The following TNS4 variants were observed in gnomAD, a reference collection of about 807,000 sequenced individuals.
TNS4 encodes tensin-4.
A neutral mutation model predicts 70.4 loss-of-function variants in TNS4; 46 were observed. That is an observed-to-expected ratio of 0.65 (90% CI 0.52 to 0.84). The LOEUF is 0.84. Among genes scored for constraint, TNS4 ranks in the 40% least tolerant of loss-of-function variants. The pLI is 0.00. For synonymous variants in TNS4, 390 were observed against 366.6 expected (o/e 1.06, Z -0.73); for missense variants, 863 against 907.0 (o/e 0.95, Z 0.62).
At chr17:40,491,001 C>T (rs2036060415) in intron 2 of TNS4, among the ~76,000 whole-genome samples, 1 of 152,142 alleles carries the variant, frequency 6.6e-6, no homozygotes, top group Admixed American at 6.5e-5. Context: ...GGGGATCTCT[C>T]TGCTTAGAAA....
intron 9 of TNS4, chr17:40,480,132 T>C: frequency 2.5e-6 from 1 of 398,406 alleles, no homozygotes; most frequent in East Asian, 4.3e-5. Context: ...CATCCTTCTG[T>C]CCACACTTAA....
At chr17:40,486,148 T>C (rs1183066669) in intron 4 of TNS4, among the ~76,000 whole-genome samples, 1 of 152,232 alleles carries the variant, frequency 6.6e-6, no homozygotes, top group Admixed American at 6.5e-5. Flanking sequence ...CTTCTGGGTT[T>C]ACTGCTTGGG....
chr17:40,481,391 C>T (rs890231138), intron 8 of TNS4, among the ~76,000 whole-genome samples: 1 of 152,060 alleles, frequency 6.6e-6, no homozygotes, highest in Admixed American at 6.5e-5. Flanking sequence ...AAGTCTTGCT[C>T]TGTCGCTCTG....
intron 12 of TNS4, 179 bp from the exon 13 acceptor site, chr17:40,477,908 C>T: frequency 1.6e-6 from 1 of 627,998 alleles, no homozygotes; most frequent in Non-Finnish European, 2.8e-6. Flanking sequence ...CCTCTCCCGT[C>T]AGACTGGGAG....
rs771835214 is a variant in TNS4, at chr17:40,477,543, G to A, written c.*45C>T. 1.9e-6 allele frequency: 3 copies of A among 1,606,396 alleles called. No homozygotes were observed. The highest frequency in any genetic ancestry group is 1.7e-4 in the Middle Eastern group (1 of 6,026). The stretch of plus-strand genomic sequence containing the variant: ...TCAGGGGGTGGAGGGGGGCTCCTTA[G>A]CGAGCCCCTGGAGGTGTTGGTTAGG... On this transcript the variant is annotated 3_prime_UTR_variant, in exon 13 of 13. Coordinates refer to ENST00000254051, the MANE Select transcript of TNS4 (RefSeq NM_032865.6).
Position 40,487,388 on chromosome 17 carries a change from G to T in TNS4, c.936C>A (p.Asn312Lys), listed in dbSNP as rs770366854. The T allele has an allele frequency of 3.1e-6, 5 of 1,614,190 alleles. No homozygotes were observed. In the South Asian group the frequency reaches 5.5e-5, roughly 18 times the overall value. ...SSSRSLESPANSSSSLHSLGS... is the reference protein window; with the variant it reads ...SSSRSLESPAKSSSSLHSLGS... ...CAAGGCTGTGGAGGCTGGAGGAAGA[G>T]TTGGCTGGACTTTCCAAGGATCTGG... is the stretch of plus-strand genomic sequence containing the variant. Residue 312 changes from asparagine (N) to lysine (K), a missense_variant, in exon 4 of 13, where the codon AAC becomes AAA. Coordinates refer to ENST00000254051, the MANE Select transcript of TNS4 (RefSeq NM_032865.6).
chr17:40,489,747 A>G (rs2036042154), intron 2 of TNS4, among the ~76,000 whole-genome samples: 1 of 146,910 alleles, frequency 6.8e-6, no homozygotes, highest in Non-Finnish European at 1.5e-5. Flanking sequence ...GTGAGCCGAG[A>G]TTGCGCCACT....
chr17:40,498,510 C>T (rs1279420354), intron 1 of TNS4, among the ~76,000 whole-genome samples: 3 of 152,214 alleles, frequency 2.0e-5, no homozygotes, highest in African/African-American at 7.2e-5. Context: ...ACATTGGTAA[C>T]TCAATCCTCT....
intron 2 of TNS4, among the ~76,000 whole-genome samples, chr17:40,495,450 G>GC (rs1472706162): frequency 1.3e-5 from 2 of 152,130 alleles, no homozygotes; most frequent in African/African-American, 4.8e-5. Context: ...CAACCAGAGA[G>GC]CCAGGTAAAC....
chr17:40,493,570 T>C (rs1277169279), intron 2 of TNS4, among the ~76,000 whole-genome samples: 1 of 152,206 alleles, frequency 6.6e-6, no homozygotes. Context: ...GCATTGCAGG[T>C]GTCCAGGCAG....
chr17:40,488,536 C>T lies in TNS4; in HGVS notation c.863+10G>A. The T allele has an allele frequency of 6.7e-7, 1 of 1,502,528 alleles. No homozygotes were observed. The highest frequency in any genetic ancestry group is 8.9e-7 in the Non-Finnish European group (1 of 1,125,384). The allele number at this position is 1,502,528 out of a possible 1,614,324, so 93.1% of individuals were successfully genotyped here. Reference sequence around the variant, plus strand: ...TGTGTGTGTGCAATGTTAGAAGCTACAGAACCTACCTTCCAAACATATAGC... The same window carrying T: ...TGTGTGTGTGCAATGTTAGAAGCTATAGAACCTACCTTCCAAACATATAGC... On this transcript the variant is annotated intron_variant, in intron 3 of 12. Coordinates refer to ENST00000254051, the MANE Select transcript of TNS4 (RefSeq NM_032865.6).
intron 2 of TNS4, among the ~76,000 whole-genome samples, chr17:40,492,107 C>A (rs572109159): frequency 2.6e-5 from 4 of 152,136 alleles, no homozygotes; most frequent in Admixed American, 1.3e-4. Context: ...CAGGAGGTCG[C>A]GCCTCAGAAG....
In TNS4 at chr17:40,479,916, G is replaced by C. The variant is rs948925941; in HGVS notation, c.1742-74C>G. ...TCTCCCTCTGCCCAGGGCCAGGGGA[G>C]GGGGTGAGTCTCCTGTTCAGGAATC... On this transcript the variant is annotated intron_variant, in intron 9 of 12. Transcript: ENST00000254051. The C allele has an allele frequency of 2.0e-6, 3 of 1,485,814 alleles. No homozygotes were observed. In the South Asian group the frequency reaches 3.9e-5, roughly 19 times the overall value. The allele number at this position is 1,485,814 out of a possible 1,614,324, so 92.0% of individuals were successfully genotyped here. A position where few individuals can be genotyped will look rare whatever the true frequency, so the allele number is the denominator to read the frequency against.
chr17:40,488,562 T>C lies in TNS4; in HGVS notation c.847A>G (p.Ser283Gly). The C allele has an allele frequency of 6.6e-7, 1 of 1,509,934 alleles. No homozygotes were observed. Among genetic ancestry groups the C allele is most frequent in the South Asian group, 1.3e-5 (1 of 74,270 alleles). 93.5% of individuals were successfully genotyped at this position (1,509,934 alleles called of 1,614,324 possible). Residue 283 changes from serine (S) to glycine (G), a missense_variant, in exon 3 of 13, where the codon AGC (serine) becomes GGC (glycine). Transcript: ENST00000254051. ...VLSASPVSDV[S>G]YMFGSSQSLL... ...AGAACCTACCTTCCAAACATATAGC[T>C]GACATCAGACACTGGGCTGGCTGAC...
intron 8 of TNS4, among the ~76,000 whole-genome samples, chr17:40,481,517 A>G (rs2035921236): frequency 6.6e-6 from 1 of 151,974 alleles, no homozygotes; most frequent in Admixed American, 6.6e-5. Context: ...GGCGCCCACC[A>G]CCACGCCCAG....
intron 10 of TNS4, 78 bp from the exon 11 acceptor site, chr17:40,478,726 C>T: frequency 2.6e-6 from 4 of 1,530,436 alleles, no homozygotes; most frequent in Admixed American, 1.7e-5. Context: ...CTCTCGTTCC[C>T]CCCAAGCTCA....
At chr17:40,495,403 C>T (rs562968875) in intron 2 of TNS4, among the ~76,000 whole-genome samples, 1 of 152,274 alleles carries the variant, frequency 6.6e-6, no homozygotes, top group South Asian at 2.1e-4. Flanking sequence ...TGGAAATGGG[C>T]AGAAGCTTCA....
chr17:40,489,664 G>A (rs1016088178), intron 2 of TNS4, among the ~76,000 whole-genome samples: 1 of 152,026 alleles, frequency 6.6e-6, no homozygotes, highest in Middle Eastern at 3.4e-3. Flanking sequence ...AAAATTAGCC[G>A]GGCACCTGTA....
At chr17:40,486,169 T>C (rs886438604) in intron 4 of TNS4, among the ~76,000 whole-genome samples, 8 of 152,188 alleles carry the variant, frequency 5.3e-5, no homozygotes, top group Non-Finnish European at 8.8e-5. Flanking sequence ...TTTGTTCTTC[T>C]TGGACGCCTG....
Sources: gnomAD v4.1 joint callset for allele counts (sites outside exome capture counted in the v4.1 genomes callset) on GRCh38, gnomAD v4.1.1 for gene constraint, MANE v1.5 for transcripts, NCBI Gene and HGNC (gene_info 2026-07-23, HGNC 2026-07-21) for gene names.